KCNT2: variants seen among roughly 807,000 people sequenced by gnomAD.
KCNT2 encodes the protein potassium sodium-activated channel subfamily T member 2, also known as potassium channel subfamily T member 2.
A neutral mutation model predicts 153.8 loss-of-function variants in KCNT2; 67 were observed. That is an observed-to-expected ratio of 0.44 (90% CI 0.36 to 0.53). KCNT2 has a LOEUF of 0.53. KCNT2 is among the 20% of genes least tolerant of loss of function. The pLI, the probability that KCNT2 is intolerant of heterozygous loss-of-function variation, is 0.00. For synonymous variants in KCNT2, 500 were observed against 458.8 expected, an observed-to-expected ratio of 1.09 and a Z score of -1.15; for missense variants, 975 against 1,354.8, an observed-to-expected ratio of 0.72 and a Z score of 4.40.
At chr1:196,240,613 C>T (rs1255382852) in intron 26 of KCNT2, among the ~76,000 whole-genome samples, 2 of 151,928 alleles carry the variant, frequency 1.3e-5, no homozygotes, top group East Asian at 3.9e-4. Context: ...GGGCAAATGG[C>T]ATAGCAAGAG....
At chr1:196,410,710 T>TAAAA (rs71154741) in intron 12 of KCNT2, among the ~76,000 whole-genome samples, 1 of 145,334 alleles carries the variant, frequency 6.9e-6, no homozygotes. Context: ...GCTCAGTGCT[T>TAAAA]AAAAAAAAAA....
intron 16 of KCNT2, among the ~76,000 whole-genome samples, chr1:196,339,520 C>CACAGAGAGAGAGAGAG (rs1005738965): frequency 5.8e-5 from 8 of 137,908 alleles, no homozygotes; most frequent in African/African-American, 2.3e-4. Flanking sequence ...CACACACACA[C>CACAGAGAGAGAGAGAG]AGAGAGAGAG....
chr1:196,514,300 C>A (rs1276470673), intron 1 of KCNT2, among the ~76,000 whole-genome samples: 2 of 152,100 alleles, frequency 1.3e-5, no homozygotes, highest in Non-Finnish European at 2.9e-5. Context: ...CTGTAAAAAT[C>A]ATGTTGACAA....
chr1:196,276,053 C>G (rs1185414895), intron 25 of KCNT2, among the ~76,000 whole-genome samples: 1 of 151,940 alleles, frequency 6.6e-6, no homozygotes, highest in African/African-American at 2.4e-5. Flanking sequence ...CTTTCTCTCT[C>G]TGTTTCTATA....
chr1:196,341,618 A>G (rs988955821), intron 15 of KCNT2, among the ~76,000 whole-genome samples: 14 of 151,990 alleles, frequency 9.2e-5, no homozygotes, highest in African/African-American at 2.9e-4. Context: ...AGGAAAAGAA[A>G]AAAAAAGTTC....
intron 12 of KCNT2, chr1:196,404,143 T>G: frequency 2.0e-6 from 2 of 981,734 alleles, no homozygotes; most frequent in Non-Finnish European, 2.4e-6. Flanking sequence ...TTGCATTTAG[T>G]GAGTTCTCAA....
chr1:196,359,865 T>A (rs530390824), intron 14 of KCNT2, among the ~76,000 whole-genome samples: 3 of 151,928 alleles, frequency 2.0e-5, no homozygotes, highest in African/African-American at 7.2e-5. Flanking sequence ...ATGCTATATA[T>A]AAGAGAATCA....
chr1:196,387,237 C>T (rs1252631652), intron 13 of KCNT2, among the ~76,000 whole-genome samples: 1 of 151,730 alleles, frequency 6.6e-6, no homozygotes, highest in African/African-American at 2.4e-5. Flanking sequence ...TTTGCCTTGC[C>T]CCCATTTCCT....
intron 9 of KCNT2, 90 bp downstream of exon 9, chr1:196,429,483 GATAA>G (rs1425321604): frequency 4.1e-6 from 3 of 735,382 alleles, no homozygotes; most frequent in Non-Finnish European, 6.4e-6. Context: ...ATTAGTGTTA[GATAA>G]ATAAGCCACT....
chr1:196,343,819 G>A (rs1254095478), intron 14 of KCNT2, among the ~76,000 whole-genome samples: 3 of 151,826 alleles, frequency 2.0e-5, no homozygotes, highest in Non-Finnish European at 2.9e-5. Flanking sequence ...TTGCTTTGTC[G>A]CCCAGGCTGG....
At chr1:196,244,932 G>C (rs530352637) in intron 26 of KCNT2, among the ~76,000 whole-genome samples, 1 of 152,126 alleles carries the variant, frequency 6.6e-6, no homozygotes, top group African/African-American at 2.4e-5. Context: ...CTGACCCATT[G>C]CAGTCCCAGT....
intron 1 of KCNT2, among the ~76,000 whole-genome samples, chr1:196,561,675 A>AAAAAAAAAAAAAAAAAAAAG (rs1553254846): frequency 2.7e-5 from 1 of 36,472 alleles, no homozygotes; most frequent in African/African-American, 4.2e-5. Context: ...AAAAAAAAAA[A>AAAAAAAAAAAAAAAAAAAAG]AAGAAGAAGA....
chr1:196,405,157 T>C (rs1346203180), intron 12 of KCNT2, among the ~76,000 whole-genome samples: 1 of 151,050 alleles, frequency 6.6e-6, no homozygotes, highest in Non-Finnish European at 1.5e-5. Context: ...AAACAAGATT[T>C]CACTTCATTT....
rs567127568 is a variant in KCNT2 at position 196,348,599 on chromosome 1, A to G, written c.1404-6371T>C. Among the ~76,000 whole-genome samples, 205 of 152,322 alleles carry G rather than the reference A, an allele frequency of 1.3e-3. 1 individual carries two copies. In the South Asian group the frequency reaches 0.014, roughly 10 times the overall value. On this transcript the variant is annotated intron_variant, in intron 14 of 27. Coordinates refer to ENST00000294725, the MANE Select transcript of KCNT2 (RefSeq NM_198503.5). The stretch of plus-strand genomic sequence containing the variant: ...GTTTATGTCCACATTTGTTTTCAAA[A>G]TCATTGCTAGCTACAGCTACTTTTA...
At chr1:196,584,286 A>C (rs1662408288) in intron 1 of KCNT2, among the ~76,000 whole-genome samples, 1 of 152,130 alleles carries the variant, frequency 6.6e-6, no homozygotes, top group African/African-American at 2.4e-5. Flanking sequence ...CAAAGGCTGT[A>C]ATAAATAACA....
At chr1:196,409,785 T>C (rs1211601525) in intron 12 of KCNT2, among the ~76,000 whole-genome samples, 2 of 151,700 alleles carry the variant, frequency 1.3e-5, no homozygotes, top group African/African-American at 4.8e-5. Context: ...CTTTCGCATG[T>C]TGATTTCAAT....
At chr1:196,580,670 A>G (rs1259813538) in intron 1 of KCNT2, among the ~76,000 whole-genome samples, 1 of 152,166 alleles carries the variant, frequency 6.6e-6, no homozygotes, top group Non-Finnish European at 1.5e-5. Context: ...CTAAACAAAA[A>G]TAATTACTGT....
intron 12 of KCNT2, among the ~76,000 whole-genome samples, chr1:196,408,583 C>G (rs1672026714): frequency 6.6e-6 from 1 of 151,538 alleles, no homozygotes; most frequent in African/African-American, 2.4e-5. Context: ...AAGCTGCATT[C>G]CATACAATTT....
At chr1:196,404,980 C>T (rs1239382914) in intron 12 of KCNT2, among the ~76,000 whole-genome samples, 1 of 151,472 alleles carries the variant, frequency 6.6e-6, no homozygotes, top group East Asian at 1.9e-4. Flanking sequence ...TGAAATCTTC[C>T]TTGTTTTATT....
Sources: gnomAD v4.1 joint callset for allele counts (sites outside exome capture counted in the v4.1 genomes callset) on GRCh38, gnomAD v4.1.1 for gene constraint, MANE v1.5 for transcripts, NCBI Gene and HGNC (gene_info 2026-07-23, HGNC 2026-07-21) for gene names.